Variants in REV1 observed in about 807,000 individuals in gnomAD.
REV1 encodes the protein translesion synthesis protein REV1.
REV1 carries 42 observed loss-of-function variants against 137.4 expected under a neutral mutation model. The ratio of observed to expected loss-of-function variants is 0.31; its 90% confidence interval spans 0.24 to 0.40. The LOEUF is 0.40. Among genes scored for constraint, REV1 ranks in the 10% least tolerant of loss-of-function variants. The pLI, the probability that REV1 is intolerant of heterozygous loss-of-function variation, is 1.00. For missense variants in REV1, 1,282 were observed against 1,490.1 expected (o/e 0.86, Z 2.30); for synonymous variants, 524 against 519.2 (o/e 1.01, Z -0.12).
chr2:99,417,165 A>C (rs1678012873), intron 12 of REV1, among the ~76,000 whole-genome samples: 1 of 152,010 alleles, frequency 6.6e-6, no homozygotes, highest in African/African-American at 2.4e-5. Context: ...TTTTCAACAC[A>C]GTCTCACTCT....
chr2:99,457,075 G>A (rs1575163719), intron 3 of REV1, among the ~76,000 whole-genome samples: 1 of 152,198 alleles, frequency 6.6e-6, no homozygotes, highest in East Asian at 1.9e-4. Flanking sequence ...ACTCCCAAAG[G>A]CAATTGTTTC....
rs1289974468 is a variant in REV1 at position 99,403,726 on chromosome 2, G to T, written c.3135C>A (p.Asn1045Lys). 6 of 1,614,068 alleles carry T rather than the reference G, an allele frequency of 3.7e-6. No individual in the cohort carries two copies. The highest frequency in any genetic ancestry group is 5.1e-6 in the Non-Finnish European group (6 of 1,180,040). Residue 1045 changes from asparagine to lysine, a missense_variant, in exon 19 of 23, where the codon AAC becomes AAA. By Grantham distance (94) the Asn-to-Lys change is moderately conservative. Transcript: ENST00000258428. ...CGCTGGCTGACTGCTGGTGAGTGCT[G>T]TTCTCGCCCTGCCTTTGTCTTTGAT... Reference protein sequence around the residue: ...AYDQRQRQGENSTHQQSASAS... With the variant: ...AYDQRQRQGEKSTHQQSASAS...
intron 1 of REV1, among the ~76,000 whole-genome samples, chr2:99,477,298 CATA>C (rs1246996994): frequency 6.6e-6 from 1 of 152,168 alleles, no homozygotes; most frequent in Non-Finnish European, 1.5e-5. Flanking sequence ...AAATATGAAC[CATA>C]TTCCTAAAGA....
chr2:99,446,288 A>C (rs1321034128), intron 4 of REV1, among the ~76,000 whole-genome samples: 1 of 152,194 alleles, frequency 6.6e-6, no homozygotes, highest in African/African-American at 2.4e-5. Flanking sequence ...ATACAAAATG[A>C]GGCCCATAGG....
chr2:99,424,445 C>T lies in REV1; in HGVS notation c.1548-165G>A. On this transcript the variant is annotated intron_variant, in intron 9 of 22. Coordinates refer to ENST00000258428, the MANE Select transcript of REV1 (RefSeq NM_016316.4). ...CATTAAAATTTACAGCCTTGTTTTC[C>T]CCCAAAAGTCACAACTGTCTGAATA... The T allele has an allele frequency of 4.1e-6, 3 of 727,968 alleles. No individual in the cohort carries two copies. In the South Asian group the frequency reaches 5.8e-5, roughly 14 times the overall value. 45.1% of individuals were successfully genotyped at this position (727,968 alleles called of 1,614,324 possible).
At chr2:99,435,091 T>C (rs963071541) in intron 7 of REV1, among the ~76,000 whole-genome samples, 1 of 152,196 alleles carries the variant, frequency 6.6e-6, no homozygotes, top group African/African-American at 2.4e-5. Context: ...CAACAATGCA[T>C]TAAAAAGCTA....
intron 1 of REV1, among the ~76,000 whole-genome samples, chr2:99,480,963 C>T (rs1686545234): frequency 6.6e-6 from 1 of 152,086 alleles, no homozygotes; most frequent in African/African-American, 2.4e-5. Flanking sequence ...CAGTGAGTTC[C>T]AAGATAATTC....
At chr2:99,454,271 TG>T (rs1193070190) in intron 3 of REV1, among the ~76,000 whole-genome samples, 1 of 151,618 alleles carries the variant, frequency 6.6e-6, no homozygotes, top group Non-Finnish European at 1.5e-5. Flanking sequence ...CAGAAAAGGC[TG>T]GGCACGGTGG....
chr2:99,404,676 A>C lies in REV1; in HGVS notation c.2813T>G (p.Leu938Arg). 1 of 1,608,178 alleles carries C rather than the reference A, an allele frequency of 6.2e-7. No individual in the cohort carries two copies. Among genetic ancestry groups the C allele is most frequent in the Non-Finnish European group, 8.5e-7 (1 of 1,177,200 alleles). ...LSIEVPSPSQ[L>R]DQSVLEALPP... Reference sequence around the variant, plus strand: ...AAGTGCTTCTAAAACAGACTGATCCAGCTATAAAATGCCAAACATATGAGT... The same window carrying C: ...AAGTGCTTCTAAAACAGACTGATCCCGCTATAAAATGCCAAACATATGAGT... The change falls in exon 18 of 23, where the codon CTG becomes CGG. Residue 938 changes from leucine to arginine, a missense_variant and splice_region_variant. Physicochemically the swap from Leu to Arg is moderately radical, Grantham distance 102 (BLOSUM62 -2). Coordinates refer to ENST00000258428, the MANE Select transcript of REV1 (RefSeq NM_016316.4).
intron 13 of REV1, 122 bp downstream of exon 13, chr2:99,412,609 G>T: frequency 1.3e-6 from 1 of 752,446 alleles, no homozygotes. Flanking sequence ...TAAGGCTCTG[G>T]GGATACAACA....
intron 5 of REV1, among the ~76,000 whole-genome samples, chr2:99,440,701 A>G (rs1395718821): frequency 6.6e-6 from 1 of 152,264 alleles, no homozygotes; most frequent in Non-Finnish European, 1.5e-5. Context: ...GAAGTCACAG[A>G]TGAGCATTTC....
chr2:99,409,129 GTAAA>G (rs1330572436), intron 14 of REV1, among the ~76,000 whole-genome samples: 15 of 152,214 alleles, frequency 9.9e-5, no homozygotes, highest in Admixed American at 2.6e-4. Flanking sequence ...AGTTTTTAAA[GTAAA>G]TAAATAAATG....
chr2:99,403,266 G>A, intron 19 of REV1, 160 bp from the exon 20 acceptor site: 8 of 631,434 alleles, frequency 1.3e-5, no homozygotes, highest in East Asian at 2.7e-5. Flanking sequence ...ATGGCCCAAA[G>A]TACAGGCTCT....
intron 6 of REV1, among the ~76,000 whole-genome samples, chr2:99,438,032 A>G (rs1034201969): frequency 1.3e-5 from 2 of 152,198 alleles, no homozygotes; most frequent in African/African-American, 4.8e-5. Flanking sequence ...ACCAGATACT[A>G]ATTTATAATG....
intron 3 of REV1, among the ~76,000 whole-genome samples, chr2:99,453,183 A>G (rs1683115550): frequency 1.3e-5 from 2 of 151,916 alleles, no homozygotes; most frequent in Middle Eastern, 6.8e-3. Flanking sequence ...ACATGGTGAA[A>G]CCCCGTCTCT....
rs186097128 is a variant in REV1, at chr2:99,448,030, T to G, written c.350+1306A>C. Among the ~76,000 whole-genome samples the G allele has an allele frequency of 2.3e-3, 346 of 152,344 alleles. 5 individuals carry two copies. Among genetic ancestry groups the G allele is most frequent in the African/African-American group, 8.1e-3 (337 of 41,576 alleles). ...GTTTCTAAAATTATACCAGGTTATA[T>G]GGATACTGAACTGCCGAGTTTGGAA... is the stretch of plus-strand genomic sequence containing the variant. On this transcript the variant is annotated intron_variant, in intron 4 of 22. Transcript: ENST00000258428.
At chr2:99,490,135 C>A (rs1159467610), upstream of REV1, 1 of 150,504 alleles carries the variant, frequency 6.6e-6, no homozygotes, top group African/African-American at 2.4e-5. Flanking sequence ...CTGCTCCCCC[C>A]GGCCCGGGGC....
intron 9 of REV1, among the ~76,000 whole-genome samples, chr2:99,429,300 A>T (rs1344865237): frequency 6.6e-6 from 1 of 152,176 alleles, no homozygotes; most frequent in Non-Finnish European, 1.5e-5. Context: ...GTTTCAGATC[A>T]CTATAAGATA....
At chr2:99,445,209 G>C (rs1682046118) in intron 4 of REV1, among the ~76,000 whole-genome samples, 1 of 151,594 alleles carries the variant, frequency 6.6e-6, no homozygotes, top group Admixed American at 6.6e-5. Flanking sequence ...TAAATGAGTT[G>C]CATAAGCACT....
Sources: gnomAD v4.1 joint callset for allele counts (sites outside exome capture counted in the v4.1 genomes callset) on GRCh38, gnomAD v4.1.1 for gene constraint, MANE v1.5 for transcripts, NCBI Gene and HGNC (gene_info 2026-07-23, HGNC 2026-07-21) for gene names.